Variants in OR8K1 observed in about 807,000 individuals in gnomAD.
OR8K1 encodes the protein olfactory receptor 8K1.
For missense variants in OR8K1, 417 were observed against 374.0 expected (o/e 1.11, Z -0.95); for synonymous variants, 157 against 139.4 (o/e 1.13, Z -0.89).
chr11:56,346,939 A>G lies in OR8K1; in HGVS notation c.901A>G (p.Lys301Glu). The stretch of plus-strand genomic sequence containing the variant: ...TCCGTTGATCTACAGCCTAAGGAAC[A>G]AAGAAGTAAAAGATGCTCTAAAGAG... ...LNPLIYSLRN[K>E]EVKDALKRTL... The change falls in exon 1 of 1, where the codon AAA becomes GAA. Residue 301 changes from lysine to glutamate, a missense_variant. Transcript: ENST00000279783. The G allele has an allele frequency of 1.9e-6, 3 of 1,609,400 alleles. No homozygotes were observed. Among genetic ancestry groups the G allele is most frequent in the Non-Finnish European group, 2.5e-6 (3 of 1,177,848 alleles).
rs1854843347 is a variant in OR8K1, at chr11:56,346,845, G to C, written c.807G>C (p.Lys269Asn). The change falls in exon 1 of 1, where the codon AAG becomes AAC. Residue 269 changes from lysine (K) to asparagine (N), a missense_variant. Lys to Asn is a moderately conservative substitution (Grantham distance 94). Coordinates refer to ENST00000279783, the MANE Select transcript of OR8K1 (RefSeq NM_001002907.1). Reference sequence around the variant, plus strand: ...TGTTATTTATTTACTTGCAACCCAAGTCCAGTCATACTTTGGCTATTGATA... The same window carrying C: ...TGTTATTTATTTACTTGCAACCCAACTCCAGTCATACTTTGGCTATTGATA... ...GTLLFIYLQP[K>N]SSHTLAIDKM... The C allele has an allele frequency of 6.2e-7, 1 of 1,613,998 alleles. No homozygotes were observed. Among genetic ancestry groups the C allele is most frequent in the Non-Finnish European group, 8.5e-7 (1 of 1,179,946 alleles).
rs761131196 is a variant in OR8K1, at chr11:56,346,290, C to G, written c.252C>G (p.Ala84=). The G allele has an allele frequency of 6.2e-7, 1 of 1,614,118 alleles. No individual in the cohort carries two copies. The highest frequency in any genetic ancestry group is 1.7e-5 in the Admixed American group (1 of 60,006). ...ITDLGYSTVI[A]PKMLVNFIVH... ...ATCTTGGTTACTCCACTGTCATTGC[C>G]CCGAAGATGTTAGTAAACTTCATAG... Residue 84 remains alanine, a synonymous_variant, in exon 1 of 1, where the codon GCC becomes GCG. Coordinates refer to ENST00000279783, the MANE Select transcript of OR8K1 (RefSeq NM_001002907.1).
rs757496734 is a variant in OR8K1 at position 56,346,452 on chromosome 11, C to A, written c.414C>A (p.Tyr138Ter). Residue 138 changes from tyrosine (Y) to a stop codon, truncating the protein, a stop_gained, in exon 1 of 1, where the codon TAC (tyrosine) becomes TAA (stop). Coordinates refer to ENST00000279783, the MANE Select transcript of OR8K1 (RefSeq NM_001002907.1). LOFTEE classifies it low-confidence loss of function (END_TRUNC). ...TAGCCATCTGTAAACCTCTTCTGTACGTGATCATCATGGCAGAGAAAGTAC... is the reference window on the plus strand; with the variant it reads ...TAGCCATCTGTAAACCTCTTCTGTAAGTGATCATCATGGCAGAGAAAGTAC... Reference protein sequence around the residue: ...RYVAICKPLLYVIIMAEKVLW... With the variant: ...RYVAICKPLL 6.2e-6 allele frequency: 10 copies of A among 1,613,820 alleles called. No homozygotes were observed. Among genetic ancestry groups the A allele is most frequent in the Admixed American group, 3.3e-5 (2 of 59,982 alleles).
rs1446076131 is a variant in OR8K1, at chr11:56,346,616, T to C, written c.578T>C (p.Ile193Thr). 1.2e-6 allele frequency: 2 copies of C among 1,613,828 alleles called. No homozygotes were observed. The highest frequency in any genetic ancestry group is 1.7e-6 in the Non-Finnish European group (2 of 1,179,862). Residue 193 changes from isoleucine (I) to threonine (T), a missense_variant, in exon 1 of 1, where the codon ATA becomes ACA. Ile to Thr is a moderately conservative substitution (Grantham distance 89). Transcript: ENST00000279783. ...TGTGACTGTATCCCTCTGATGTCCA[T>C]ACTCTGTTCTGACACAAATGAATTA... The part of the protein sequence containing the change: ...FYCDCIPLMS[I>T]LCSDTNELEL...
In OR8K1 at chr11:56,346,430, C is replaced by T; in HGVS notation, c.392C>T (p.Ala131Val). The T allele has an allele frequency of 6.2e-7, 1 of 1,614,020 alleles. No homozygotes were observed. The highest frequency in any genetic ancestry group is 8.5e-7 in the Non-Finnish European group (1 of 1,179,960). ...LSAMAYDRYV[A>V]ICKPLLYVII... ...GCAATGGCCTATGATCGCTACGTAG[C>T]CATCTGTAAACCTCTTCTGTACGTG... Residue 131 changes from alanine (A) to valine (V), a missense_variant, in exon 1 of 1, where the codon GCC (alanine) becomes GTC (valine). Coordinates refer to ENST00000279783, the MANE Select transcript of OR8K1 (RefSeq NM_001002907.1).
chr11:56,346,403 C>A lies in OR8K1; in HGVS notation c.365C>A (p.Ser122Ter), dbSNP rs1331378529. 1.2e-6 allele frequency: 2 copies of A among 1,614,120 alleles called. No homozygotes were observed. The highest frequency in any genetic ancestry group is 3.3e-5 in the Admixed American group (2 of 60,012). ...ATCATCTCTGAGCTCTTTATTCTAT[C>A]AGCAATGGCCTATGATCGCTACGTA... Reference protein sequence around the residue: ...IFIISELFILSAMAYDRYVAI... With the variant: ...IFIISELFIL The change falls in exon 1 of 1, where the codon TCA (serine) becomes TAA (stop). Residue 122 changes from serine (S) to a stop codon, truncating the protein, a stop_gained. Coordinates refer to ENST00000279783, the MANE Select transcript of OR8K1 (RefSeq NM_001002907.1). LOFTEE classifies it low-confidence loss of function (END_TRUNC).
chr11:56,346,892 C>A lies in OR8K1; in HGVS notation c.854C>A (p.Thr285Asn). The change falls in exon 1 of 1, where the codon ACC becomes AAC. Residue 285 changes from threonine to asparagine, a missense_variant. Thr to Asn is a moderately conservative substitution (Grantham distance 65). Transcript: ENST00000279783. ...GATAAAATGGCCTCAGTGTTTTATA[C>A]CCTGTTGATTCCTATGCTGAATCCG... is the stretch of plus-strand genomic sequence containing the variant. ...AIDKMASVFYTLLIPMLNPLI... is the reference protein window; with the variant it reads ...AIDKMASVFYNLLIPMLNPLI... 9 of 1,613,888 alleles carry A rather than the reference C, an allele frequency of 5.6e-6. No individual in the cohort carries two copies. Among genetic ancestry groups the A allele is most frequent in the Non-Finnish European group, 7.6e-6 (9 of 1,179,894 alleles).
In OR8K1 at chr11:56,346,991, C is replaced by T; in HGVS notation, c.953C>T (p.Pro318Leu). Reference sequence around the variant, plus strand: ...ACTTTAACCAATCGATTCAAAATTCCCATTTAATATCTTAATACTCAGTTG... The same window carrying T: ...ACTTTAACCAATCGATTCAAAATTCTCATTTAATATCTTAATACTCAGTTG... ...KRTLTNRFKI[P>L]I Residue 318 changes from proline (P) to leucine (L), a missense_variant, in exon 1 of 1, where the codon CCC becomes CTC. Physicochemically the swap from Pro to Leu is moderately conservative, Grantham distance 98. Transcript: ENST00000279783. The T allele has an allele frequency of 6.3e-7, 1 of 1,585,572 alleles. No homozygotes were observed. Among genetic ancestry groups the T allele is most frequent in the South Asian group, 1.2e-5 (1 of 86,690 alleles).
chr11:56,346,745 C>A lies in OR8K1; in HGVS notation c.707C>A (p.Ser236Ter), dbSNP rs1854841214. 1.9e-6 allele frequency: 3 copies of A among 1,613,786 alleles called. No individual in the cohort carries two copies. The highest frequency in any genetic ancestry group is 2.5e-6 in the Non-Finnish European group (3 of 1,179,910). The change falls in exon 1 of 1, where the codon TCA becomes TAA. Residue 236 changes from serine to a stop codon, truncating the protein, a stop_gained. Transcript: ENST00000279783. LOFTEE classifies it low-confidence loss of function (END_TRUNC). The stretch of plus-strand genomic sequence containing the variant: ...CTAGTGGCCATTCTCAGAATGAACT[C>A]AAGGAAAGGGAGGTACAAAGCCTTC... The part of the protein sequence containing the change: ...FILVAILRMN[S>*]RKGRYKAFST...
rs1854833279 is a variant in OR8K1 at position 56,346,461 on chromosome 11, C to T, written c.423C>T (p.Ile141=). The change falls in exon 1 of 1, where the codon ATC becomes ATT. Residue 141 remains isoleucine, a synonymous_variant. Transcript: ENST00000279783. ...GTAAACCTCTTCTGTACGTGATCAT[C>T]ATGGCAGAGAAAGTACTTTGGGTGC... is the stretch of plus-strand genomic sequence containing the variant. ...AICKPLLYVI[I]MAEKVLWVLV... The T allele has an allele frequency of 6.2e-7, 1 of 1,613,890 alleles. No individual in the cohort carries two copies. The highest frequency in any genetic ancestry group is 8.5e-7 in the Non-Finnish European group (1 of 1,179,914).
Position 56,346,223 on chromosome 11 carries a change from A to T in OR8K1, c.185A>T (p.His62Leu). The T allele has an allele frequency of 5.0e-6, 8 of 1,614,022 alleles. No homozygotes were observed. The highest frequency in any genetic ancestry group is 5.9e-6 in the Non-Finnish European group (7 of 1,179,940). Reference sequence around the variant, plus strand: ...TTGACCTACTTGGACTCCAAGCTACACACCCCCATGTACTTTTTCCTTAGA... The same window carrying T: ...TTGACCTACTTGGACTCCAAGCTACTCACCCCCATGTACTTTTTCCTTAGA... Reference protein sequence around the residue: ...VILTYLDSKLHTPMYFFLRHL... With the variant: ...VILTYLDSKLLTPMYFFLRHL... Residue 62 changes from histidine to leucine, a missense_variant, in exon 1 of 1, where the codon CAC becomes CTC. By Grantham distance (99) the His-to-Leu change is moderately conservative. Coordinates refer to ENST00000279783, the MANE Select transcript of OR8K1 (RefSeq NM_001002907.1).
In OR8K1 at chr11:56,346,223, A is replaced by C; in HGVS notation, c.185A>C (p.His62Pro). 6.2e-7 allele frequency: 1 copy of C among 1,614,022 alleles called. No individual in the cohort carries two copies. Among genetic ancestry groups the C allele is most frequent in the East Asian group, 2.2e-5 (1 of 44,874 alleles). Residue 62 changes from histidine (H) to proline (P), a missense_variant, in exon 1 of 1, where the codon CAC becomes CCC. His to Pro is a moderately conservative substitution (Grantham distance 77). Transcript: ENST00000279783. ...TTGACCTACTTGGACTCCAAGCTAC[A>C]CACCCCCATGTACTTTTTCCTTAGA... ...VILTYLDSKL[H>P]TPMYFFLRHL...
rs1332116196 is a variant in OR8K1, at chr11:56,346,080, G to A, written c.42G>A (p.Lys14=). Residue 14 remains lysine (K), a synonymous_variant, in exon 1 of 1, where the codon AAG becomes AAA. Coordinates refer to ENST00000279783, the MANE Select transcript of OR8K1 (RefSeq NM_001002907.1). ...AACACAATCACACGGCAGTGACCAA[G>A]GTGACTGAATTTATTCTCATGGGGA... The part of the protein sequence containing the change: ...VVKHNHTAVT[K]VTEFILMGIT... 6.2e-7 allele frequency: 1 copy of A among 1,612,402 alleles called. No homozygotes were observed. Among genetic ancestry groups the A allele is most frequent in the East Asian group, 2.2e-5 (1 of 44,896 alleles).
Position 56,346,202 on chromosome 11 carries a change from CCT to C in OR8K1, c.165_166del (p.Tyr56LeufsTer14). On this transcript the variant is annotated frameshift_variant, in exon 1 of 1. Transcript: ENST00000279783. LOFTEE classifies it low-confidence loss of function (END_TRUNC). Reference sequence around the variant, plus strand: ...GGCAATCTGGGCATGGTTATCTTGACCTACTTGGACTCCAAGCTACACACCCC... The same window carrying C: ...GGCAATCTGGGCATGGTTATCTTGACACTTGGACTCCAAGCTACACACCCC... 1 of 1,613,932 alleles carries C rather than the reference CCT, an allele frequency of 6.2e-7. No individual in the cohort carries two copies. The highest frequency in any genetic ancestry group is 8.5e-7 in the Non-Finnish European group (1 of 1,179,874).
At position 56,346,767 on chromosome 11, in the gene OR8K1, C is replaced by A; in HGVS notation, c.729C>A (p.Ala243=). 6.2e-7 allele frequency: 1 copy of A among 1,613,972 alleles called. No individual in the cohort carries two copies. Among genetic ancestry groups the A allele is most frequent in the Non-Finnish European group, 8.5e-7 (1 of 1,179,916 alleles). Residue 243 remains alanine (A), a synonymous_variant, in exon 1 of 1, where the codon GCC becomes GCA. Coordinates refer to ENST00000279783, the MANE Select transcript of OR8K1 (RefSeq NM_001002907.1). ...RMNSRKGRYK[A]FSTCSSHLTV... is the part of the protein sequence containing the mutation. ...ACTCAAGGAAAGGGAGGTACAAAGC[C>A]TTCTCCACCTGTAGCTCTCATCTGA...
Position 56,346,371 on chromosome 11 carries a change from G to A in OR8K1, c.333G>A (p.Glu111=). ...NWYATQLAFF[E]IFIISELFIL... is the part of the protein sequence containing the mutation. ...ATGCCACTCAGCTAGCATTCTTTGA[G>A]ATTTTCATCATCTCTGAGCTCTTTA... Residue 111 remains glutamate (E), a synonymous_variant, in exon 1 of 1, where the codon GAG becomes GAA. Transcript: ENST00000279783. 1 of 1,614,104 alleles carries A rather than the reference G, an allele frequency of 6.2e-7. No individual in the cohort carries two copies. Among genetic ancestry groups the A allele is most frequent in the African/African-American group, 1.3e-5 (1 of 75,026 alleles).
In OR8K1 at chr11:56,346,113, C is replaced by G; in HGVS notation, c.75C>G (p.Asp25Glu). The G allele has an allele frequency of 6.2e-7, 1 of 1,613,776 alleles. No individual in the cohort carries two copies. The highest frequency in any genetic ancestry group is 8.5e-7 in the Non-Finnish European group (1 of 1,179,774). Residue 25 changes from aspartate (D) to glutamate (E), a missense_variant, in exon 1 of 1, where the codon GAC becomes GAG. Physicochemically the swap from Asp to Glu is conservative, Grantham distance 45. Coordinates refer to ENST00000279783, the MANE Select transcript of OR8K1 (RefSeq NM_001002907.1). Reference sequence around the variant, plus strand: ...AATTTATTCTCATGGGGATTACAGACAACCCTGGGCTGCAGGCTCCACTGT... The same window carrying G: ...AATTTATTCTCATGGGGATTACAGAGAACCCTGGGCTGCAGGCTCCACTGT... ...VTEFILMGIT[D>E]NPGLQAPLFG...
rs780599353 is a variant in OR8K1 at position 56,346,544 on chromosome 11, T to G, written c.506T>G (p.Leu169Ter). ...GTGTCACTATTTCTCACAATTAAGT[T>G]ATTTAAACTGTCCTTCTGTGGCTCA... ...TFVSLFLTIK[L>*]FKLSFCGSNI... Residue 169 changes from leucine (L) to a stop codon, truncating the protein, a stop_gained, in exon 1 of 1, where the codon TTA (leucine) becomes TGA (stop). Coordinates refer to ENST00000279783, the MANE Select transcript of OR8K1 (RefSeq NM_001002907.1). LOFTEE classifies it low-confidence loss of function (END_TRUNC). 1.1e-5 allele frequency: 17 copies of G among 1,613,952 alleles called. No individual in the cohort carries two copies. In the East Asian group the frequency reaches 3.6e-4, roughly 34 times the overall value.
chr11:56,346,263 T>A lies in OR8K1; in HGVS notation c.225T>A (p.Thr75=). The change falls in exon 1 of 1, where the codon ACT becomes ACA. Residue 75 remains threonine (T), a synonymous_variant. Coordinates refer to ENST00000279783, the MANE Select transcript of OR8K1 (RefSeq NM_001002907.1). ...MYFFLRHLSI[T]DLGYSTVIAP... Reference sequence around the variant, plus strand: ...TTTTCCTTAGACATTTGTCAATCACTGATCTTGGTTACTCCACTGTCATTG... The same window carrying A: ...TTTTCCTTAGACATTTGTCAATCACAGATCTTGGTTACTCCACTGTCATTG... The A allele has an allele frequency of 6.2e-7, 1 of 1,614,206 alleles. No homozygotes were observed. The highest frequency in any genetic ancestry group is 8.5e-7 in the Non-Finnish European group (1 of 1,180,014).
Sources: allele counts gnomAD v4.1 joint callset, GRCh38; gene constraint gnomAD v4.1.1; transcripts MANE v1.5; gene names NCBI Gene and HGNC (gene_info 2026-07-23, HGNC 2026-07-21).